The following KLHL32 variants were observed in gnomAD, a reference collection of about 807,000 sequenced individuals.
KLHL32 encodes the protein kelch like family member 32.
A neutral mutation model predicts 64.8 loss-of-function variants in KLHL32; 35 were observed. The observed-to-expected ratio is 0.54, with a 90% confidence interval of 0.41 to 0.72. KLHL32 has a LOEUF of 0.72. Among genes scored for constraint, KLHL32 ranks in the 30% least tolerant of loss-of-function variants. The pLI is 0.00. For synonymous variants in KLHL32, 259 were observed against 281.0 expected, an observed-to-expected ratio of 0.92 and a Z score of 0.78; for missense variants, 589 against 768.5, an observed-to-expected ratio of 0.77 and a Z score of 2.76.
At chr6:97,012,123 G>A (rs7745658) in intron 3 of KLHL32, among the ~76,000 whole-genome samples, 8,480 of 152,206 alleles carry the variant, frequency 0.056, 455 homozygotes, top group African/African-American at 0.14. Flanking sequence ...GTGGAACTGA[G>A]TACTCCCTGT....
intron 6 of KLHL32, among the ~76,000 whole-genome samples, chr6:97,086,035 G>T (rs985916395): frequency 3.3e-5 from 5 of 152,094 alleles, no homozygotes; most frequent in African/African-American, 1.2e-4. Flanking sequence ...GGTGTCTTTG[G>T]GGAATAGTCA....
At chr6:97,063,592 G>C (rs1002388658) in intron 4 of KLHL32, among the ~76,000 whole-genome samples, 1 of 152,190 alleles carries the variant, frequency 6.6e-6, no homozygotes, top group Non-Finnish European at 1.5e-5. Flanking sequence ...AGAAAGGAGC[G>C]TGCTGAAGTA....
chr6:96,953,123 G>C (rs763131225), intron 1 of KLHL32, among the ~76,000 whole-genome samples: 12 of 152,192 alleles, frequency 7.9e-5, no homozygotes, highest in Admixed American at 7.9e-4. Context: ...CAAGACTGCT[G>C]TCTTGGTGAA....
chr6:97,009,588 G>T (rs746583657), intron 3 of KLHL32, among the ~76,000 whole-genome samples: 7 of 152,126 alleles, frequency 4.6e-5, no homozygotes, highest in Non-Finnish European at 7.3e-5. Context: ...ATTGTGAAAG[G>T]GAGGATTTGT....
upstream of KLHL32, among the ~76,000 whole-genome samples, chr6:96,920,628 CATCACATTAT>C (rs1423453750): frequency 6.6e-6 from 1 of 152,108 alleles, no homozygotes; most frequent in African/African-American, 2.4e-5. Flanking sequence ...ACACAAACTG[CATCACATTAT>C]ACCTATTGAT....
intron 6 of KLHL32, among the ~76,000 whole-genome samples, chr6:97,098,648 G>A (rs1795305299): frequency 6.6e-6 from 1 of 152,144 alleles, no homozygotes; most frequent in African/African-American, 2.4e-5. Flanking sequence ...TCCAGTTGCT[G>A]TTTTAATGCA....
intron 10 of KLHL32, among the ~76,000 whole-genome samples, chr6:97,138,234 G>C (rs1800263380): frequency 7.7e-6 from 1 of 130,398 alleles, no homozygotes; most frequent in South Asian, 2.7e-4. Context: ...ACTAACAGAG[G>C]CTGTGCTATA....
At chr6:97,123,702 G>T (rs769159582) in intron 7 of KLHL32, among the ~76,000 whole-genome samples, 1 of 152,114 alleles carries the variant, frequency 6.6e-6, no homozygotes, top group African/African-American at 2.4e-5. Flanking sequence ...TCCCTGGGGT[G>T]GGGGAGGGAG....
intron 1 of KLHL32, among the ~76,000 whole-genome samples, chr6:96,955,593 C>G (rs943648894): frequency 6.6e-6 from 1 of 152,086 alleles, no homozygotes; most frequent in Non-Finnish European, 1.5e-5. Context: ...TTCAATCTGC[C>G]ACTTTTAACT....
At chr6:96,900,342 C>T in the KLHL32 span, among the ~76,000 whole-genome samples, 1 of 152,060 alleles carries the variant, frequency 6.6e-6, no homozygotes, top group Non-Finnish European at 1.5e-5. Context: ...TTAAAAAGGA[C>T]ACATATTCTG....
At chr6:97,106,571 C>T (rs551595503) in intron 6 of KLHL32, among the ~76,000 whole-genome samples, 2 of 151,988 alleles carry the variant, frequency 1.3e-5, no homozygotes, top group African/African-American at 2.4e-5. Flanking sequence ...GGTGAAACCC[C>T]GTTTCTACTA....
intron 2 of KLHL32, among the ~76,000 whole-genome samples, chr6:96,975,724 T>C (rs1775619358): frequency 6.6e-6 from 1 of 152,032 alleles, no homozygotes; most frequent in Admixed American, 6.5e-5. Flanking sequence ...CCTGGGTCAG[T>C]ATGCAGCCAC....
At chr6:97,051,051 C>T (rs1233624707) in intron 4 of KLHL32, among the ~76,000 whole-genome samples, 1 of 152,126 alleles carries the variant, frequency 6.6e-6, no homozygotes, top group Non-Finnish European at 1.5e-5. Context: ...GAACAATATT[C>T]TTACAGCATT....
the KLHL32 span, among the ~76,000 whole-genome samples, chr6:96,917,298 C>T: frequency 6.6e-6 from 1 of 152,178 alleles, no homozygotes; most frequent in African/African-American, 2.4e-5. Flanking sequence ...CCTTGCTTTC[C>T]ATCCTCCCTG....
intron 3 of KLHL32, among the ~76,000 whole-genome samples, chr6:96,994,017 C>T (rs1369139858): frequency 6.6e-6 from 1 of 152,182 alleles, no homozygotes; most frequent in African/African-American, 2.4e-5. Flanking sequence ...GTAAACAAAC[C>T]TACCCCTTGC....
intron 3 of KLHL32, among the ~76,000 whole-genome samples, chr6:96,985,801 C>T (rs534287453): frequency 6.6e-6 from 1 of 152,006 alleles, no homozygotes; most frequent in Admixed American, 6.6e-5. Context: ...TTTTTAACTT[C>T]TTTGCCATGG....
chr6:96,941,214 C>T (rs12662042), intron 1 of KLHL32, among the ~76,000 whole-genome samples: 8 of 152,060 alleles, frequency 5.3e-5, no homozygotes, highest in Non-Finnish European at 1.0e-4. Flanking sequence ...TATGATTCGC[C>T]TGTTCAAGTC....
In KLHL32 at chr6:97,044,129, T is replaced by C. The variant is rs1403020515; in HGVS notation, c.312+2530T>C. ...TAAGTATAATGTTAACTCTGGGCTTTTCAGATATGGCCTTTATTGTATTGA... is the reference window on the plus strand; with the variant it reads ...TAAGTATAATGTTAACTCTGGGCTTCTCAGATATGGCCTTTATTGTATTGA... On this transcript the variant is annotated intron_variant, in intron 4 of 10. Transcript: ENST00000369261. Among the ~76,000 whole-genome samples, 3 of 152,232 alleles carry C rather than the reference T, an allele frequency of 2.0e-5. No individual in the cohort carries two copies. In the East Asian group the frequency reaches 5.8e-4, roughly 29 times the overall value.
Position 96,984,875 on chromosome 6 carries a change from T to G in KLHL32, c.204+8698T>G, listed in dbSNP as rs540162887. ...TTGGAGCATTTAGCCCATTTACATT[T>G]AAGGTTAATATTGTTATGTGTGAAT... On this transcript the variant is annotated intron_variant, in intron 3 of 10. Transcript: ENST00000369261. 1.4e-3 allele frequency among the ~76,000 whole-genome samples: 212 copies of G among 152,338 alleles called. 1 individual carries two copies. The highest frequency in any genetic ancestry group is 4.4e-3 in the African/African-American group (184 of 41,580).
Sources: allele counts gnomAD v4.1 joint callset (sites outside exome capture counted in the v4.1 genomes callset), GRCh38; gene constraint gnomAD v4.1.1; transcripts MANE v1.5; gene names NCBI Gene and HGNC (gene_info 2026-07-23, HGNC 2026-07-21).